SLC24A3: variants seen among roughly 807,000 people sequenced by gnomAD.
SLC24A3 encodes the protein solute carrier family 24 member 3, also known as sodium/potassium/calcium exchanger 3.
A neutral mutation model predicts 75.8 loss-of-function variants in SLC24A3; 28 were observed. That is an observed-to-expected ratio of 0.37 (90% CI 0.27 to 0.51). The LOEUF (loss-of-function observed/expected upper bound fraction) is 0.51. Among genes scored for constraint, SLC24A3 ranks in the 20% least tolerant of loss-of-function variants. SLC24A3 has a pLI of 0.94. For synonymous variants in SLC24A3, 372 were observed against 334.1 expected (o/e 1.11, Z -1.24); for missense variants, 663 against 847.8 (o/e 0.78, Z 2.71).
chr20:19,712,781 C>T lies in SLC24A3; in HGVS notation c.1720-4747C>T, dbSNP rs138077888. Among the ~76,000 whole-genome samples the T allele has an allele frequency of 5.9e-4, 90 of 152,280 alleles. 1 individual carries two copies. The highest frequency in any genetic ancestry group is 2.0e-3 in the African/African-American group (83 of 41,560). On this transcript the variant is annotated intron_variant, in intron 15 of 16. Transcript: ENST00000328041. Reference sequence around the variant, plus strand: ...TCAACAGGAGCATAATTAAACACACCGTGGCATATTTACACTGCTGTAAAA... The same window carrying T: ...TCAACAGGAGCATAATTAAACACACTGTGGCATATTTACACTGCTGTAAAA...
intron 2 of SLC24A3, among the ~76,000 whole-genome samples, chr20:19,403,326 C>A (rs929397372): frequency 6.6e-6 from 1 of 152,154 alleles, no homozygotes; most frequent in Non-Finnish European, 1.5e-5. Flanking sequence ...TCAGAGAATG[C>A]TTATTCTATT....
At chr20:19,544,915 G>A (rs113226074) in intron 3 of SLC24A3, among the ~76,000 whole-genome samples, 7 of 152,252 alleles carry the variant, frequency 4.6e-5, no homozygotes, top group African/African-American at 7.2e-5. Flanking sequence ...CTTTCTTATC[G>A]GAGCCAATAA....
chr20:19,330,081 G>T lies in SLC24A3; in HGVS notation c.271+48994G>T, dbSNP rs1020618191. On this transcript the variant is annotated intron_variant, in intron 2 of 16. Transcript: ENST00000328041. ...TTTTACACCATGTTTATTGCAGCAA[G>T]AGTCTGGGGCTAACCAGATGACACA... is the stretch of plus-strand genomic sequence containing the variant. Among the ~76,000 whole-genome samples the T allele has an allele frequency of 3.0e-4, 46 of 152,244 alleles. 1 individual carries two copies. The highest frequency in any genetic ancestry group is 1.0e-4 in the Non-Finnish European group (7 of 68,042).
intron 2 of SLC24A3, among the ~76,000 whole-genome samples, chr20:19,342,897 C>T (rs184123973): frequency 2.7e-4 from 41 of 151,852 alleles, no homozygotes; most frequent in Admixed American, 2.2e-3. Flanking sequence ...GGTGAAACCC[C>T]GTCTCTACTA....
intron 16 of SLC24A3, among the ~76,000 whole-genome samples, chr20:19,719,186 G>A (rs767798064): frequency 6.6e-5 from 10 of 152,262 alleles, no homozygotes; most frequent in Admixed American, 6.5e-4. Flanking sequence ...GGGTAGTGCT[G>A]TGGAGTCAAG....
chr20:19,366,902 A>G (rs1258828754), intron 2 of SLC24A3, among the ~76,000 whole-genome samples: 1 of 152,148 alleles, frequency 6.6e-6, no homozygotes, highest in Non-Finnish European at 1.5e-5. Flanking sequence ...ATTCATGGGT[A>G]CACATGGAGA....
chr20:19,625,817 A>AAT (rs1466688191), intron 6 of SLC24A3, among the ~76,000 whole-genome samples: 19 of 152,050 alleles, frequency 1.2e-4, no homozygotes, highest in South Asian at 4.2e-4. Flanking sequence ...TAACTCCCTA[A>AAT]ATATATATAT....
chr20:19,651,992 T>C (rs1381868728), intron 6 of SLC24A3, among the ~76,000 whole-genome samples: 1 of 152,220 alleles, frequency 6.6e-6, no homozygotes, highest in African/African-American at 2.4e-5. Context: ...TCTTATTTTC[T>C]ATTAAGGTAA....
intron 1 of SLC24A3, among the ~76,000 whole-genome samples, chr20:19,273,807 G>T (rs1280660853): frequency 6.6e-6 from 1 of 151,892 alleles, no homozygotes; most frequent in East Asian, 2.0e-4. Flanking sequence ...CAATGGGCAA[G>T]GGGATGCTGA....
intron 2 of SLC24A3, among the ~76,000 whole-genome samples, chr20:19,339,812 G>T: frequency 6.6e-6 from 1 of 152,198 alleles, no homozygotes; most frequent in East Asian, 1.9e-4. Context: ...GATAAATTAG[G>T]CTTAACCAAC....
At chr20:19,495,404 G>A (rs1988269098) in intron 2 of SLC24A3, among the ~76,000 whole-genome samples, 1 of 152,174 alleles carries the variant, frequency 6.6e-6, no homozygotes, top group African/African-American at 2.4e-5. Context: ...TCAGCTTTTA[G>A]ACATGTTTTG....
chr20:19,461,642 T>C (rs913083925), intron 2 of SLC24A3, among the ~76,000 whole-genome samples: 2 of 150,032 alleles, frequency 1.3e-5, no homozygotes, highest in Admixed American at 1.3e-4. Flanking sequence ...AAGTGATTCT[T>C]CCACCTCAGC....
At chr20:19,372,241 T>C (rs1986005585) in intron 2 of SLC24A3, among the ~76,000 whole-genome samples, 1 of 152,204 alleles carries the variant, frequency 6.6e-6, no homozygotes, top group African/African-American at 2.4e-5. Flanking sequence ...ATATCTGTAT[T>C]TGTTTGGAAT....
intron 5 of SLC24A3, 95 bp downstream of exon 5, chr20:19,585,150 T>G (rs930754690): frequency 5.3e-6 from 6 of 1,126,542 alleles, no homozygotes; most frequent in East Asian, 4.9e-5. Context: ...TGTCTGCCAC[T>G]CATAGAAAAT....
Position 19,293,279 on chromosome 20 carries a change from T to C in SLC24A3, c.271+12192T>C, listed in dbSNP as rs138061346. ...GTAACGCAGCTGCACCTCCCCACTCTCAGCCATTTTTATCCAATTGCCCTG... is the reference window on the plus strand; with the variant it reads ...GTAACGCAGCTGCACCTCCCCACTCCCAGCCATTTTTATCCAATTGCCCTG... On this transcript the variant is annotated intron_variant, in intron 2 of 16. Coordinates refer to ENST00000328041, the MANE Select transcript of SLC24A3 (RefSeq NM_020689.4). 2.4e-4 allele frequency among the ~76,000 whole-genome samples: 36 copies of C among 152,296 alleles called. No individual in the cohort carries two copies. The East Asian group carries it at 6.8e-3, about 29-fold the overall frequency.
At chr20:19,438,828 A>G (rs1987251663) in intron 2 of SLC24A3, among the ~76,000 whole-genome samples, 1 of 152,062 alleles carries the variant, frequency 6.6e-6, no homozygotes, top group African/African-American at 2.4e-5. Context: ...TGTAGATAGT[A>G]AGCTGCTCGT....
intron 15 of SLC24A3, among the ~76,000 whole-genome samples, chr20:19,715,961 A>G (rs925629869): frequency 3.9e-5 from 6 of 152,228 alleles, no homozygotes; most frequent in African/African-American, 1.4e-4. Context: ...AATGAATGTC[A>G]AGATCCCTTC....
intron 2 of SLC24A3, among the ~76,000 whole-genome samples, chr20:19,285,630 TG>T (rs1441245110): frequency 5.3e-5 from 8 of 151,882 alleles, no homozygotes; most frequent in African/African-American, 1.7e-4. Context: ...TCTTTGCAAT[TG>T]TTCCAGCTCT....
At chr20:19,344,881 G>A (rs1467819932) in intron 2 of SLC24A3, among the ~76,000 whole-genome samples, 1 of 152,184 alleles carries the variant, frequency 6.6e-6, no homozygotes, top group African/African-American at 2.4e-5. Flanking sequence ...AACAGTGAAA[G>A]TAATGGTGAG....
Sources: allele counts gnomAD v4.1 joint callset (sites outside exome capture counted in the v4.1 genomes callset), GRCh38; gene constraint gnomAD v4.1.1; transcripts MANE v1.5; gene names NCBI Gene and HGNC (gene_info 2026-07-23, HGNC 2026-07-21).